The following SPMIP3 variants were observed in gnomAD, a reference collection of about 807,000 sequenced individuals.
The protein encoded by SPMIP3 is protein SPMIP3.
chr1:244,363,661 G>T, the SPMIP3 span, among the ~76,000 whole-genome samples: 1 of 152,150 alleles, frequency 6.6e-6, no homozygotes, highest in Non-Finnish European at 1.5e-5. Flanking sequence ...GGAGTATTGA[G>T]TTCAAGAACC....
At chr1:244,364,909 C>T in the SPMIP3 span, among the ~76,000 whole-genome samples, 1 of 152,162 alleles carries the variant, frequency 6.6e-6, no homozygotes, top group East Asian at 1.9e-4. Context: ...ATGAGCAGGT[C>T]TGTGCAAACC....
the SPMIP3 span, among the ~76,000 whole-genome samples, chr1:244,354,922 T>G: frequency 6.6e-6 from 1 of 152,212 alleles, no homozygotes; most frequent in African/African-American, 2.4e-5. Context: ...TGTGCTTTAA[T>G]TTTATATGCA....
chr1:244,372,587 G>C, the SPMIP3 span, among the ~76,000 whole-genome samples: 2 of 152,022 alleles, frequency 1.3e-5, no homozygotes, highest in South Asian at 4.2e-4. Context: ...GGGACTACAG[G>C]TGCCCGCCAC....
the SPMIP3 span, among the ~76,000 whole-genome samples, chr1:244,382,465 G>A: frequency 6.6e-6 from 1 of 152,154 alleles, no homozygotes; most frequent in Non-Finnish European, 1.5e-5. Context: ...GACCAGTGTT[G>A]TTTGGTGGGT....
At chr1:244,355,384 TATTG>T in the SPMIP3 span, among the ~76,000 whole-genome samples, 4,462 of 152,118 alleles carry the variant, frequency 0.029, 209 homozygotes, top group African/African-American at 0.1. Flanking sequence ...TTATTCTTTT[TATTG>T]ATTGATTGAT....
At chr1:244,373,810 C>T in the SPMIP3 span, among the ~76,000 whole-genome samples, 1 of 151,898 alleles carries the variant, frequency 6.6e-6, no homozygotes. Flanking sequence ...AAGCAATGTA[C>T]TATAAAATGA....
chr1:244,355,621 C>T, the SPMIP3 span, among the ~76,000 whole-genome samples: 15 of 152,058 alleles, frequency 9.9e-5, no homozygotes, highest in African/African-American at 2.7e-4. Context: ...CTCTTGACCT[C>T]GTGATTTGCC....
At chr1:244,381,903 A>G in the SPMIP3 span, among the ~76,000 whole-genome samples, 1 of 152,206 alleles carries the variant, frequency 6.6e-6, no homozygotes, top group Non-Finnish European at 1.5e-5. Flanking sequence ...TGCGCATGAC[A>G]GTGACAGAGC....
At chr1:244,377,123 A>T in the SPMIP3 span, among the ~76,000 whole-genome samples, 2 of 145,534 alleles carry the variant, frequency 1.4e-5, no homozygotes, top group Non-Finnish European at 3.0e-5. Flanking sequence ...GCATCACTTT[A>T]TTTTTATTTT....
the SPMIP3 span, among the ~76,000 whole-genome samples, chr1:244,368,416 C>T: frequency 7.2e-5 from 11 of 152,208 alleles, no homozygotes; most frequent in Non-Finnish European, 1.2e-4. Flanking sequence ...AACCAAGGCA[C>T]GGTGTGGTTA....
chr1:244,353,593 T>C, the SPMIP3 span, among the ~76,000 whole-genome samples: 1 of 152,132 alleles, frequency 6.6e-6, no homozygotes, highest in Non-Finnish European at 1.5e-5. Flanking sequence ...CTCTGGGAAT[T>C]CACAGGAGGG....
At chr1:244,373,567 A>C in the SPMIP3 span, among the ~76,000 whole-genome samples, 1 of 151,090 alleles carries the variant, frequency 6.6e-6, no homozygotes, top group African/African-American at 2.4e-5. Flanking sequence ...TAGTTCTCAA[A>C]CTTTCAGACA....
chr1:244,382,426 G>A, the SPMIP3 span, among the ~76,000 whole-genome samples: 30 of 152,182 alleles, frequency 2.0e-4, no homozygotes, highest in Admixed American at 1.5e-3. Flanking sequence ...AACTGGGAAG[G>A]GCTTGGCATA....
the SPMIP3 span, chr1:244,364,669 T>A: frequency 1.2e-6 from 2 of 1,602,202 alleles, no homozygotes; most frequent in Non-Finnish European, 1.7e-6. Context: ...TAATCCTTTA[T>A]GCCATAATTT....
At chr1:244,368,310 T>C in the SPMIP3 span, among the ~76,000 whole-genome samples, 3 of 152,314 alleles carry the variant, frequency 2.0e-5, no homozygotes, top group East Asian at 1.9e-4. Flanking sequence ...GGAATAATAA[T>C]GGTAAACACT....
chr1:244,356,841 A>G, the SPMIP3 span, among the ~76,000 whole-genome samples: 1 of 151,830 alleles, frequency 6.6e-6, no homozygotes, highest in South Asian at 2.1e-4. Flanking sequence ...CCATGTGCTA[A>G]TTATTATCTT....
chr1:244,362,996 TCCACA>T, the SPMIP3 span, among the ~76,000 whole-genome samples: 97 of 149,156 alleles, frequency 6.5e-4, 2 homozygotes, highest in South Asian at 0.021. Context: ...GGCATGCACC[TCCACA>T]CCAGGCTTTT....
the SPMIP3 span, chr1:244,375,222 A>G: frequency 3.6e-6 from 2 of 553,572 alleles, no homozygotes; most frequent in South Asian, 5.2e-5. Context: ...AAAGACCCTT[A>G]TCAGGAAATT....
chr1:244,373,332 T>TTATATA, the SPMIP3 span, among the ~76,000 whole-genome samples: 623 of 85,204 alleles, frequency 7.3e-3, 83 homozygotes, highest in African/African-American at 0.024. Context: ...CAAAAAAAAA[T>TTATATA]TATATATATA....
Sources: gnomAD v4.1 joint callset for allele counts (sites outside exome capture counted in the v4.1 genomes callset) on GRCh38, gnomAD v4.1.1 for gene constraint, MANE v1.5 for transcripts, NCBI Gene and HGNC (gene_info 2026-07-23, HGNC 2026-07-21) for gene names.